Variants in RABGAP1L observed in about 807,000 individuals in gnomAD.
RABGAP1L encodes the protein rab GTPase-activating protein 1-like.
In RABGAP1L, 63 loss-of-function variants were observed where a neutral mutation model predicts 137.7. The ratio of observed to expected loss-of-function variants is 0.46; its 90% CI spans 0.37 to 0.56. The LOEUF is 0.56. Among genes scored for constraint, RABGAP1L ranks in the 20% least tolerant of loss-of-function variants. The pLI, the probability that RABGAP1L is intolerant of heterozygous loss-of-function variation, is 0.00. For synonymous variants in RABGAP1L, 431 were observed against 433.7 expected (o/e 0.99, Z 0.08); for missense variants, 1,095 against 1,244.0 (o/e 0.88, Z 1.80).
intron 19 of RABGAP1L, among the ~76,000 whole-genome samples, chr1:174,889,712 T>C (rs1317035577): frequency 6.6e-6 from 1 of 152,176 alleles, no homozygotes; most frequent in Non-Finnish European, 1.5e-5. Flanking sequence ...GTTGCAGGCA[T>C]GAACCACTGT....
At chr1:174,517,610 G>T (rs891702471) in intron 13 of RABGAP1L, among the ~76,000 whole-genome samples, 3 of 151,952 alleles carry the variant, frequency 2.0e-5, no homozygotes, top group African/African-American at 7.3e-5. Flanking sequence ...CTTATTATGA[G>T]GTAAAAAAAT....
intron 11 of RABGAP1L, among the ~76,000 whole-genome samples, chr1:174,329,747 A>G (rs1361943266): frequency 6.6e-6 from 1 of 152,160 alleles, no homozygotes; most frequent in Non-Finnish European, 1.5e-5. Flanking sequence ...TTCAATTGAT[A>G]CAGAGAGAGC....
intron 14 of RABGAP1L, among the ~76,000 whole-genome samples, chr1:174,654,734 A>G (rs1675838174): frequency 6.6e-6 from 1 of 152,138 alleles, no homozygotes; most frequent in South Asian, 2.1e-4. Flanking sequence ...TTTCTTTGCA[A>G]TGTTACATAA....
At chr1:174,706,282 A>C (rs1680039977) in intron 17 of RABGAP1L, among the ~76,000 whole-genome samples, 2 of 152,176 alleles carry the variant, frequency 1.3e-5, no homozygotes, top group African/African-American at 4.8e-5. Context: ...TATTTGCTTA[A>C]ATCTGAATAT....
intron 12 of RABGAP1L, among the ~76,000 whole-genome samples, chr1:174,384,045 A>T (rs1170663719): frequency 1.3e-5 from 2 of 152,356 alleles, no homozygotes; most frequent in Middle Eastern, 3.4e-3. Flanking sequence ...CGTCAAAAGT[A>T]AATGGATCAA....
At chr1:174,738,550 T>C (rs1203530114) in intron 17 of RABGAP1L, among the ~76,000 whole-genome samples, 1 of 152,198 alleles carries the variant, frequency 6.6e-6, no homozygotes, top group African/African-American at 2.4e-5. Flanking sequence ...ATCAGAATTA[T>C]CCAGGGTGGG....
At chr1:174,984,940 A>G (rs1182420866) in intron 24 of RABGAP1L, among the ~76,000 whole-genome samples, 1 of 152,244 alleles carries the variant, frequency 6.6e-6, no homozygotes, top group African/African-American at 2.4e-5. Flanking sequence ...TGAAGACGCA[A>G]ACACAGGAAT....
At chr1:174,612,307 A>C (rs1460517147) in intron 13 of RABGAP1L, among the ~76,000 whole-genome samples, 1 of 152,194 alleles carries the variant, frequency 6.6e-6, no homozygotes, top group Admixed American at 6.5e-5. Context: ...GCATCTAATG[A>C]GATAATCATG....
intron 14 of RABGAP1L, among the ~76,000 whole-genome samples, chr1:174,677,312 G>T (rs1358235687): frequency 6.6e-6 from 1 of 152,114 alleles, no homozygotes; most frequent in Non-Finnish European, 1.5e-5. Context: ...ACAAGAATCA[G>T]GGAAGATACA....
chr1:174,561,203 A>G (rs990155672), intron 13 of RABGAP1L, among the ~76,000 whole-genome samples: 4 of 152,206 alleles, frequency 2.6e-5, no homozygotes, highest in East Asian at 1.9e-4. Context: ...AAAAATCACA[A>G]GCATTCCTAT....
chr1:174,712,416 C>T (rs892468494), intron 17 of RABGAP1L, among the ~76,000 whole-genome samples: 2 of 152,150 alleles, frequency 1.3e-5, no homozygotes, highest in Admixed American at 6.5e-5. Flanking sequence ...ACTCCAGACG[C>T]GCCACCTTTA....
chr1:174,169,756 CAT>C (rs1354620278), intron 1 of RABGAP1L, among the ~76,000 whole-genome samples: 1 of 152,126 alleles, frequency 6.6e-6, no homozygotes, highest in Non-Finnish European at 1.5e-5. Context: ...GTGGCACGGT[CAT>C]AGCTCATTGC....
chr1:174,547,602 G>A (rs1433259209), intron 13 of RABGAP1L, among the ~76,000 whole-genome samples: 1 of 152,136 alleles, frequency 6.6e-6, no homozygotes, highest in Non-Finnish European at 1.5e-5. Flanking sequence ...AGGCAACAGA[G>A]TGAAACACTG....
At chr1:174,814,279 T>A (rs1157836539) in intron 19 of RABGAP1L, among the ~76,000 whole-genome samples, 1 of 152,186 alleles carries the variant, frequency 6.6e-6, no homozygotes, top group Non-Finnish European at 1.5e-5. Flanking sequence ...TTAATAAGAT[T>A]TCAATAATTT....
chr1:174,250,190 T>C (rs947284606), intron 5 of RABGAP1L, among the ~76,000 whole-genome samples: 4 of 152,220 alleles, frequency 2.6e-5, no homozygotes, highest in Non-Finnish European at 5.9e-5. Flanking sequence ...TTTCCCTTCT[T>C]GGACTTCACA....
intron 14 of RABGAP1L, among the ~76,000 whole-genome samples, chr1:174,651,362 A>G (rs1322989400): frequency 6.6e-6 from 1 of 152,190 alleles, no homozygotes; most frequent in East Asian, 1.9e-4. Context: ...TGCTTGGTGC[A>G]GAGCTCAGTT....
intron 19 of RABGAP1L, among the ~76,000 whole-genome samples, chr1:174,891,469 A>T (rs536792370): frequency 6.6e-6 from 1 of 152,304 alleles, no homozygotes; most frequent in South Asian, 2.1e-4. Context: ...GAAGTTTGCC[A>T]AAAAGGTGTA....
intron 13 of RABGAP1L, among the ~76,000 whole-genome samples, chr1:174,408,091 T>C (rs1294699464): frequency 1.3e-5 from 2 of 152,196 alleles, no homozygotes; most frequent in African/African-American, 4.8e-5. Context: ...TATTTTAGAT[T>C]CAGGGGGTAC....
chr1:174,595,641 G>A (rs1424630903), intron 13 of RABGAP1L, among the ~76,000 whole-genome samples: 1 of 150,036 alleles, frequency 6.7e-6, no homozygotes, highest in Non-Finnish European at 1.5e-5. Flanking sequence ...GCCCCTGCTG[G>A]GGGCTGCCTC....
Sources: gnomAD v4.1 joint callset for allele counts (sites outside exome capture counted in the v4.1 genomes callset) on GRCh38, gnomAD v4.1.1 for gene constraint, MANE v1.5 for transcripts, NCBI Gene and HGNC (gene_info 2026-07-23, HGNC 2026-07-21) for gene names.